The following TNRC18 variants were observed in gnomAD, a reference collection of about 807,000 sequenced individuals.
TNRC18 encodes the protein trinucleotide repeat-containing gene 18 protein.
A neutral mutation model predicts 226.7 loss-of-function variants in TNRC18; 69 were observed. The ratio of observed to expected loss-of-function variants is 0.30; its 90% CI spans 0.25 to 0.37. The LOEUF (loss-of-function observed/expected upper bound fraction) is 0.37, where lower values mean the gene tolerates loss of function less well. TNRC18 is among the 10% of genes least tolerant of loss of function. The pLI is 1.00. For missense variants in TNRC18, 4,754 were observed against 4,256.6 expected, an observed-to-expected ratio of 1.12 and a Z score of -3.25; for synonymous variants, 2,449 against 1,927.6, an observed-to-expected ratio of 1.27 and a Z score of -7.09.
At chr7:5,336,269 G>A (rs1172577055) in intron 18 of TNRC18, among the ~76,000 whole-genome samples, 1 of 149,980 alleles carries the variant, frequency 6.7e-6, no homozygotes, top group Non-Finnish European at 1.5e-5. Flanking sequence ...ACATTCCAGA[G>A]AGAAAAAAGA....
Position 5,357,163 on chromosome 7 carries a change from C to T in TNRC18, c.4947G>A (p.Ser1649=), listed in dbSNP as rs767091497. ...TTTTCGATTTCCCCCCAGCACTGTCCGAAAACTTGAAGGGCGACTTCAACT... is the reference window on the plus strand; with the variant it reads ...TTTTCGATTTCCCCCCAGCACTGTCTGAAAACTTGAAGGGCGACTTCAACT... The part of the protein sequence containing the change: ...QDKLKSPFKF[S]DSAGGKSKTS... The change falls in exon 16 of 30, where the codon TCG becomes TCA. Residue 1649 remains serine (S), a synonymous_variant. Transcript: ENST00000430969. 25 of 1,593,850 alleles carry T rather than the reference C, an allele frequency of 1.6e-5. No homozygotes were observed. In the East Asian group the frequency reaches 3.6e-4, roughly 23 times the overall value.
intron 29 of TNRC18, 81 bp downstream of exon 29, chr7:5,308,794 G>A (rs1009692123): frequency 5.4e-5 from 79 of 1,467,994 alleles, no homozygotes; most frequent in Admixed American, 5.2e-4. Context: ...AGCAGCAGAT[G>A]CTGAGCCGGG....
At chr7:5,313,968 TG>T (rs1787580740) in intron 26 of TNRC18, 105 bp from the exon 27 acceptor site, 2 of 1,262,372 alleles carry the variant, frequency 1.6e-6, no homozygotes, top group East Asian at 2.8e-5. Flanking sequence ...TTTTTGTTTT[TG>T]TTTTTTTTTT....
At chr7:5,358,836 A>G (rs998832140) in intron 15 of TNRC18, among the ~76,000 whole-genome samples, 6 of 152,104 alleles carry the variant, frequency 3.9e-5, no homozygotes, top group African/African-American at 1.4e-4. Context: ...ACAAAAAAAA[A>G]CTACCCCTTT....
chr7:5,347,632 T>A (rs2128141636), intron 17 of TNRC18, among the ~76,000 whole-genome samples: 1 of 151,780 alleles, frequency 6.6e-6, no homozygotes, highest in East Asian at 2.0e-4. Flanking sequence ...ACCACTGCAG[T>A]CCAGCCTGGG....
rs776203170 is a variant in TNRC18, at chr7:5,345,734, C to A, written c.5547G>T (p.Leu1849=). 1.9e-6 allele frequency: 3 copies of A among 1,548,630 alleles called. No homozygotes were observed. The South Asian group carries it at 3.6e-5, about 18-fold the overall frequency. ...EDEASGGGYR[L]GARERALSPG... is the part of the protein sequence containing the mutation. ...GTGACAGGGCCCGCTCCCGGGCACC[C>A]AGCCTGTAGCCACCACCGCTGGCCT... is the stretch of plus-strand genomic sequence containing the variant. Residue 1849 remains leucine, a synonymous_variant, in exon 18 of 30, where the codon CTG becomes CTT. Transcript: ENST00000430969.
chr7:5,350,748 G>A (rs757483107), intron 17 of TNRC18, among the ~76,000 whole-genome samples: 16 of 152,210 alleles, frequency 1.1e-4, no homozygotes, highest in Non-Finnish European at 1.8e-4. Flanking sequence ...CAAGGCCAGC[G>A]GGTTCTCAGG....
chr7:5,362,009 C>T lies in TNRC18; in HGVS notation c.4420G>A (p.Glu1474Lys). The change falls in exon 13 of 30, where the codon GAG becomes AAG. Residue 1474 changes from glutamate (E) to lysine (K), a missense_variant. By Grantham distance (56) the Glu-to-Lys change is moderately conservative (BLOSUM62 1). Coordinates refer to ENST00000430969, the MANE Select transcript of TNRC18 (RefSeq NM_001080495.3). ...ERMYAMKSSL[E>K]DMDALELDFR... ...TCCAGCTCCAGGGCGTCCATGTCCT[C>T]CAGGGAGGACTTCATGGCATACATC... 1 of 1,613,584 alleles carries T rather than the reference C, an allele frequency of 6.2e-7. No homozygotes were observed. The highest frequency in any genetic ancestry group is 8.5e-7 in the Non-Finnish European group (1 of 1,179,748).
chr7:5,336,110 G>A (rs1244396249), intron 18 of TNRC18, among the ~76,000 whole-genome samples: 2 of 151,878 alleles, frequency 1.3e-5, no homozygotes, highest in Non-Finnish European at 2.9e-5. Flanking sequence ...GGGATGCTGA[G>A]GCACAAGAAT....
At position 5,389,335 on chromosome 7, in the gene TNRC18, G is replaced by A. The variant is rs769320930; in HGVS notation, c.489C>T (p.Asp163=). 9.0e-5 allele frequency: 115 copies of A among 1,277,406 alleles called. No individual in the cohort carries two copies. Among genetic ancestry groups the A allele is most frequent in the East Asian group, 6.1e-4 (20 of 32,826 alleles). 79.1% of individuals were successfully genotyped at this position (1,277,406 alleles called of 1,614,324 possible). ...CCCCCGCGGTGGGCAGGTAGAAACCGTCTGCGGAGAAGGGAACAGCAGGCA... is the reference window on the plus strand; with the variant it reads ...CCCCCGCGGTGGGCAGGTAGAAACCATCTGCGGAGAAGGGAACAGCAGGCA... The part of the protein sequence containing the change: ...DTQKGQGPGG[D]GFYLPTAGAP... The change falls in exon 5 of 30, where the codon GAC becomes GAT. Residue 163 remains aspartate (D), a splice_region_variant and synonymous_variant. Transcript: ENST00000430969.
chr7:5,349,150 C>T (rs934464450), intron 17 of TNRC18, among the ~76,000 whole-genome samples: 14 of 152,208 alleles, frequency 9.2e-5, no homozygotes, highest in African/African-American at 2.4e-4. Context: ...CCCAGAAAGC[C>T]GAGAGCAGCC....
rs539749684 is a variant in TNRC18, at chr7:5,307,842, G to T, written c.*264C>A. Reference sequence around the variant, plus strand: ...CGTGCTGGGCAGGAAGGGCCGGTCCGGCCATACCCTGATAGCTAAGAGGGG... The same window carrying T: ...CGTGCTGGGCAGGAAGGGCCGGTCCTGCCATACCCTGATAGCTAAGAGGGG... On this transcript the variant is annotated 3_prime_UTR_variant, in exon 30 of 30. Coordinates refer to ENST00000430969, the MANE Select transcript of TNRC18 (RefSeq NM_001080495.3). 4 of 532,406 alleles carry T rather than the reference G, an allele frequency of 7.5e-6. No individual in the cohort carries two copies. The highest frequency in any genetic ancestry group is 6.2e-5 in the South Asian group (3 of 48,420). 33.0% of individuals were successfully genotyped at this position (532,406 alleles called of 1,614,324 possible). A position where few individuals can be genotyped will look rare whatever the true frequency, so the allele number is the denominator to read the frequency against.
Position 5,384,202 on chromosome 7 carries a change from G to A in TNRC18, c.2152+3470C>T, listed in dbSNP as rs1022214260. On this transcript the variant is annotated intron_variant, in intron 5 of 29. Coordinates refer to ENST00000430969, the MANE Select transcript of TNRC18 (RefSeq NM_001080495.3). ...AGTCTGATCTCAAACTCCTGACCTC[G>A]GGTGATCCACCCGCCTCGGTCTCCC... Among the ~76,000 whole-genome samples, 6 of 151,972 alleles carry A rather than the reference G, an allele frequency of 3.9e-5. No homozygotes were observed. The South Asian group carries it at 6.2e-4, about 16-fold the overall frequency.
chr7:5,418,794 G>C (rs192561163), intron 2 of TNRC18, among the ~76,000 whole-genome samples: 2 of 152,350 alleles, frequency 1.3e-5, no homozygotes, highest in East Asian at 3.9e-4. Flanking sequence ...GTGCTGGCTT[G>C]AGGAATGTGT....
At position 5,386,436 on chromosome 7, in the gene TNRC18, G is replaced by C. The variant is rs942176755; in HGVS notation, c.2152+1236C>G. On this transcript the variant is annotated intron_variant, in intron 5 of 29. Coordinates refer to ENST00000430969, the MANE Select transcript of TNRC18 (RefSeq NM_001080495.3). ...TACTAAAAATACAAAAATTAGCCAGGCATGGTGATGCATACCTGTAATGCC... is the reference window on the plus strand; with the variant it reads ...TACTAAAAATACAAAAATTAGCCAGCCATGGTGATGCATACCTGTAATGCC... Among the ~76,000 whole-genome samples the C allele has an allele frequency of 5.9e-5, 9 of 151,658 alleles. No homozygotes were observed. The South Asian group carries it at 1.3e-3, about 21-fold the overall frequency.
At position 5,387,685 on chromosome 7, in the gene TNRC18, C is replaced by T. The variant is rs199547131; in HGVS notation, c.2139G>A (p.Leu713=). 4 of 1,604,422 alleles carry T rather than the reference C, an allele frequency of 2.5e-6. No individual in the cohort carries two copies. The highest frequency in any genetic ancestry group is 1.7e-6 in the Non-Finnish European group (2 of 1,179,854). ...CCCAGGACCTACCTTTGACGTTACT[C>T]AGCGACAGAGAGCGCTCCTGGTCTA... ...GLVDQERSLS[L]SNVKGHGRAD... is the part of the protein sequence containing the mutation. Residue 713 remains leucine, a synonymous_variant, in exon 5 of 30, where the codon CTG becomes CTA. Transcript: ENST00000430969.
At chr7:5,407,929 C>G (rs1781586738) in intron 2 of TNRC18, among the ~76,000 whole-genome samples, 2 of 152,202 alleles carry the variant, frequency 1.3e-5, no homozygotes, top group South Asian at 2.1e-4. Flanking sequence ...AGAACCAGAT[C>G]TCCCAGGCAA....
At chr7:5,370,234 G>A (rs933277570) in intron 11 of TNRC18, 141 bp downstream of exon 11, 1 of 1,008,284 alleles carries the variant, frequency 9.9e-7, no homozygotes, top group Middle Eastern at 3.3e-4. Flanking sequence ...GGGGAGGGAA[G>A]ATCACTTGAG....
At chr7:5,391,835 TAAA>T (rs112656100) in intron 3 of TNRC18, among the ~76,000 whole-genome samples, 27 of 125,456 alleles carry the variant, frequency 2.2e-4, no homozygotes, top group South Asian at 8.4e-4. Flanking sequence ...CATCTCTATT[TAAA>T]AAAAAAAAAA....
Sources: gnomAD v4.1 joint callset for allele counts (sites outside exome capture counted in the v4.1 genomes callset) on GRCh38, gnomAD v4.1.1 for gene constraint, MANE v1.5 for transcripts, NCBI Gene and HGNC (gene_info 2026-07-23, HGNC 2026-07-21) for gene names.